XYLT1: variants seen among roughly 807,000 people sequenced by gnomAD.
The protein encoded by XYLT1 is xylosyltransferase 1, also known as beta-D-xylosyltransferase 1.
A neutral mutation model predicts 91.3 loss-of-function variants in XYLT1; 36 were observed. The observed-to-expected ratio is 0.39, with a 90% CI of 0.30 to 0.52. The LOEUF (loss-of-function observed/expected upper bound fraction) is 0.52, where lower values mean the gene tolerates loss of function less well. Ranked by LOEUF, XYLT1 falls within the 20% of genes least tolerant of loss-of-function variation. The pLI is 0.68. For synonymous variants in XYLT1, 588 were observed against 532.0 expected, an observed-to-expected ratio of 1.11 and a Z score of -1.45; for missense variants, 1,242 against 1,284.5, an observed-to-expected ratio of 0.97 and a Z score of 0.51.
chr16:17,347,208 G>A (rs959704053), intron 2 of XYLT1, among the ~76,000 whole-genome samples: 20 of 152,178 alleles, frequency 1.3e-4, no homozygotes, highest in Non-Finnish European at 1.2e-4. Flanking sequence ...AAGAAAAAGT[G>A]ATTTTGTGAA....
intron 3 of XYLT1, among the ~76,000 whole-genome samples, chr16:17,214,269 C>G (rs189357560): frequency 7.3e-4 from 111 of 152,312 alleles, no homozygotes; most frequent in Non-Finnish European, 9.3e-4. Context: ...TGAAATCGGA[C>G]AGATCTGCAT....
intron 5 of XYLT1, among the ~76,000 whole-genome samples, chr16:17,173,807 C>T (rs924558809): frequency 7.2e-5 from 11 of 152,234 alleles, no homozygotes; most frequent in African/African-American, 2.2e-4. Context: ...TTAATCCTTG[C>T]GGTACCACCT....
intron 10 of XYLT1, among the ~76,000 whole-genome samples, chr16:17,119,361 G>A (rs2029965993): frequency 6.6e-6 from 1 of 152,212 alleles, no homozygotes; most frequent in South Asian, 2.1e-4. Context: ...TAGTGGTTTT[G>A]AGGACACAGC....
In XYLT1 at chr16:17,104,429, G is replaced by A. The variant is rs1966747914; in HGVS notation, c.*4266C>T. On this transcript the variant is annotated 3_prime_UTR_variant, in exon 12 of 12. Coordinates refer to ENST00000261381, the MANE Select transcript of XYLT1 (RefSeq NM_022166.4). ...GCTGAATGATCCATCCCCCCTCTGT[G>A]GAATGGTCTCTTGAGGAGTGGAATG... 1 of 152,138 alleles carries A rather than the reference G, an allele frequency of 6.6e-6. No homozygotes were observed. The highest frequency in any genetic ancestry group is 2.1e-4 in the South Asian group (1 of 4,822). 9.4% of individuals were successfully genotyped at this position (152,138 alleles called of 1,614,324 possible). A position where few individuals can be genotyped will look rare whatever the true frequency, so the allele number is the denominator to read the frequency against.
chr16:17,190,822 G>A (rs1184316085), intron 5 of XYLT1, among the ~76,000 whole-genome samples: 1 of 151,966 alleles, frequency 6.6e-6, no homozygotes, highest in Non-Finnish European at 1.5e-5. Context: ...TAATGGGATG[G>A]TTAATTTTAT....
chr16:17,313,789 G>C (rs2034587372), intron 2 of XYLT1, among the ~76,000 whole-genome samples: 2 of 152,210 alleles, frequency 1.3e-5, no homozygotes, highest in South Asian at 4.2e-4. Flanking sequence ...AGCCTCATCT[G>C]TTAACCTCTC....
At chr16:17,313,029 GC>G (rs2034573857) in intron 2 of XYLT1, among the ~76,000 whole-genome samples, 5 of 152,218 alleles carry the variant, frequency 3.3e-5, no homozygotes, top group Admixed American at 1.3e-4. Context: ...TCCGCCCAGG[GC>G]CATGGCCACA....
intron 5 of XYLT1, among the ~76,000 whole-genome samples, chr16:17,186,786 G>A (rs1335539895): frequency 1.3e-5 from 2 of 152,118 alleles, no homozygotes; most frequent in Non-Finnish European, 2.9e-5. Context: ...TGTTTTAAGA[G>A]TCTGGCTCAG....
intron 5 of XYLT1, among the ~76,000 whole-genome samples, chr16:17,192,092 CTTTTTTTTTT>C (rs550488299): frequency 0.052 from 6,637 of 126,746 alleles, 262 homozygotes; most frequent in South Asian, 0.1. Flanking sequence ...CTCTCTCTCT[CTTTTTTTTTT>C]TTTTTTTTTT....
chr16:17,187,748 C>A (rs928427798), intron 5 of XYLT1, among the ~76,000 whole-genome samples: 8 of 151,690 alleles, frequency 5.3e-5, no homozygotes, highest in Non-Finnish European at 8.8e-5. Context: ...CAGGTTCAAG[C>A]AATTCTCACT....
chr16:17,155,933 A>T (rs1167101533), intron 6 of XYLT1, among the ~76,000 whole-genome samples: 1 of 152,180 alleles, frequency 6.6e-6, no homozygotes, highest in Non-Finnish European at 1.5e-5. Flanking sequence ...CCCATTCTCC[A>T]TCTATTTCTT....
At chr16:17,297,907 G>A (rs2141807116) in intron 2 of XYLT1, among the ~76,000 whole-genome samples, 1 of 152,140 alleles carries the variant, frequency 6.6e-6, no homozygotes, top group East Asian at 1.9e-4. Flanking sequence ...TGTAGTCCCA[G>A]CTACTCGGGA....
rs118085202 is a variant in XYLT1 at position 17,415,858 on chromosome 16, T to C, written c.363+54576A>G. On this transcript the variant is annotated intron_variant, in intron 1 of 11. Transcript: ENST00000261381. The stretch of plus-strand genomic sequence containing the variant: ...AAGTGTTGAATAAAGGGTGTAATCA[T>C]GGAATCAAATGGATCCCTGATCATG... Among the ~76,000 whole-genome samples the C allele has an allele frequency of 3.0e-4, 46 of 152,252 alleles. No homozygotes were observed. The East Asian group carries it at 8.1e-3, about 27-fold the overall frequency.
chr16:17,464,016 A>G (rs2036853892), intron 1 of XYLT1, among the ~76,000 whole-genome samples: 1 of 152,186 alleles, frequency 6.6e-6, no homozygotes, highest in South Asian at 2.1e-4. Flanking sequence ...TCTCACTCCT[A>G]TGTAGGAGCT....
rs73527443 is a variant in XYLT1 at position 17,439,062 on chromosome 16, G to T, written c.363+31372C>A. On this transcript the variant is annotated intron_variant, in intron 1 of 11. Coordinates refer to ENST00000261381, the MANE Select transcript of XYLT1 (RefSeq NM_022166.4). ...TTGTCATAAGGATGAGTGCAATACA[G>T]AAATATTGGTAAATTCTGGTAAATA... 7.8e-3 allele frequency among the ~76,000 whole-genome samples: 1,189 copies of T among 152,282 alleles called. 18 individuals are homozygous for T. Among genetic ancestry groups the T allele is most frequent in the African/African-American group, 0.027 (1,116 of 41,546 alleles).
chr16:17,452,717 A>T (rs938008956), intron 1 of XYLT1, among the ~76,000 whole-genome samples: 2 of 152,142 alleles, frequency 1.3e-5, no homozygotes, highest in African/African-American at 4.8e-5. Flanking sequence ...AATATATCTT[A>T]TTGTTTTATG....
At chr16:17,317,629 CAAAAAAAAAAAA>C (rs35666149) in intron 2 of XYLT1, among the ~76,000 whole-genome samples, 1 of 57,992 alleles carries the variant, frequency 1.7e-5, no homozygotes, top group South Asian at 9.3e-4. Context: ...GACGCTGTCT[CAAAAAAAAAAAA>C]AAAAAAAAAA....
chr16:17,114,163 T>C (rs755398386), intron 11 of XYLT1, among the ~76,000 whole-genome samples: 4 of 152,262 alleles, frequency 2.6e-5, no homozygotes, highest in African/African-American at 9.6e-5. Context: ...GCCCTCTGTA[T>C]AGCTTCATTT....
intron 1 of XYLT1, among the ~76,000 whole-genome samples, chr16:17,464,922 G>A (rs192996339): frequency 4.0e-5 from 6 of 151,810 alleles, no homozygotes; most frequent in Admixed American, 1.3e-4. Flanking sequence ...CGAGGCGGGC[G>A]GATCACGAGG....
Sources: allele counts gnomAD v4.1 joint callset (sites outside exome capture counted in the v4.1 genomes callset), GRCh38; gene constraint gnomAD v4.1.1; transcripts MANE v1.5; gene names NCBI Gene and HGNC (gene_info 2026-07-23, HGNC 2026-07-21).